ADAMTS18: variants seen among roughly 807,000 people sequenced by gnomAD.
ADAMTS18 encodes A disintegrin and metalloproteinase with thrombospondin motifs 18.
Under a neutral mutation model 165.9 loss-of-function variants are expected in ADAMTS18, and 157 were observed. That is an observed-to-expected ratio of 0.95 (90% CI 0.83 to 1.08). ADAMTS18 has a LOEUF of 1.08. Ranked by LOEUF, ADAMTS18 falls within the 50% of genes least tolerant of loss-of-function variation. The probability of loss-of-function intolerance (pLI) is 0.00; values close to 1 mark genes in which losing one functional copy is unlikely to be tolerated. For synonymous variants in ADAMTS18, 782 were observed against 578.2 expected, an observed-to-expected ratio of 1.35 and a Z score of -5.06; for missense variants, 2,040 against 1,534.0, an observed-to-expected ratio of 1.33 and a Z score of -5.51.
intron 3 of ADAMTS18, among the ~76,000 whole-genome samples, chr16:77,416,867 T>C (rs1018233300): frequency 8.5e-5 from 13 of 152,116 alleles, no homozygotes; most frequent in African/African-American, 2.7e-4. Flanking sequence ...GAGATGAGAA[T>C]GATTTAGAAC....
chr16:77,429,151 C>T (rs558229536), intron 3 of ADAMTS18, among the ~76,000 whole-genome samples: 34 of 152,260 alleles, frequency 2.2e-4, no homozygotes, highest in African/African-American at 7.9e-4. Context: ...TTTATTGCTG[C>T]ACTATTCACC....
rs2055365792 is a variant in ADAMTS18 at position 77,291,570 on chromosome 16, A to G, written c.3190-92T>C. Reference sequence around the variant, plus strand: ...TTTGACATAAGGTTGCACCATCCACATGAAATAGGAGGGATGGGATTACAC... The same window carrying G: ...TTTGACATAAGGTTGCACCATCCACGTGAAATAGGAGGGATGGGATTACAC... On this transcript the variant is annotated intron_variant, in intron 20 of 22. Transcript: ENST00000282849. 4 of 1,249,994 alleles carry G rather than the reference A, an allele frequency of 3.2e-6. No homozygotes were observed. In the Admixed American group the frequency reaches 6.7e-5, roughly 21 times the overall value. The allele number at this position is 1,249,994 out of a possible 1,614,324, so 77.4% of individuals were successfully genotyped here.
intron 11 of ADAMTS18, among the ~76,000 whole-genome samples, chr16:77,340,315 C>T (rs2056379341): frequency 6.6e-6 from 1 of 152,160 alleles, no homozygotes; most frequent in Non-Finnish European, 1.5e-5. Flanking sequence ...GCTGGGATTT[C>T]AGGTGTGTGC....
At chr16:77,419,444 C>T (rs1051962539) in intron 3 of ADAMTS18, among the ~76,000 whole-genome samples, 1 of 152,160 alleles carries the variant, frequency 6.6e-6, no homozygotes, top group Non-Finnish European at 1.5e-5. Context: ...CCTCTTCCAT[C>T]TCCAAAGTCC....
In ADAMTS18 at chr16:77,319,862, G is replaced by A. The variant is rs150566302; in HGVS notation, c.2519C>T (p.Thr840Met). The A allele has an allele frequency of 6.4e-5, 104 of 1,614,184 alleles. No homozygotes were observed. The East Asian group carries it at 1.0e-3, about 16-fold the overall frequency. Residue 840 changes from threonine (T) to methionine (M), a missense_variant, in exon 16 of 23, where the codon ACG becomes ATG. Thr to Met is a moderately conservative substitution (Grantham distance 81). Coordinates refer to ENST00000282849, the MANE Select transcript of ADAMTS18 (RefSeq NM_199355.4). ...RLYAPGPTNE[T>M]LVFEILMQGK... Reference sequence around the variant, plus strand: ...GAAGGGGCTTACTTCAAAGACCAGCGTCTCATTTGTGGGCCCTGGCGCGTA... The same window carrying A: ...GAAGGGGCTTACTTCAAAGACCAGCATCTCATTTGTGGGCCCTGGCGCGTA...
chr16:77,317,668 C>G (rs2055912037), intron 16 of ADAMTS18, among the ~76,000 whole-genome samples: 1 of 152,144 alleles, frequency 6.6e-6, no homozygotes, highest in East Asian at 1.9e-4. Flanking sequence ...AGGGAAATTT[C>G]AAGATGTCAT....
intron 3 of ADAMTS18, among the ~76,000 whole-genome samples, chr16:77,430,913 T>C (rs763989871): frequency 3.9e-5 from 6 of 152,200 alleles, no homozygotes; most frequent in Admixed American, 6.5e-5. Flanking sequence ...CAATTTCGCA[T>C]TGAAATACAG....
At chr16:77,327,400 T>C (rs1015771426) in intron 12 of ADAMTS18, among the ~76,000 whole-genome samples, 3 of 152,156 alleles carry the variant, frequency 2.0e-5, no homozygotes, top group African/African-American at 7.2e-5. Context: ...CCTCATACCT[T>C]AGCTCCCACA....
intron 3 of ADAMTS18, among the ~76,000 whole-genome samples, chr16:77,416,140 G>T (rs148698003): frequency 6.6e-6 from 1 of 152,230 alleles, no homozygotes; most frequent in East Asian, 1.9e-4. Context: ...GACCATTCTG[G>T]AATGACAGTA....
intron 3 of ADAMTS18, among the ~76,000 whole-genome samples, chr16:77,398,215 C>A (rs200246788): frequency 1.3e-5 from 2 of 151,814 alleles, no homozygotes; most frequent in East Asian, 1.9e-4. Flanking sequence ...TGCTTGGGAG[C>A]CTGAGGCAGA....
At chr16:77,388,171 C>T (rs191239575) in intron 3 of ADAMTS18, among the ~76,000 whole-genome samples, 6 of 152,212 alleles carry the variant, frequency 3.9e-5, no homozygotes, top group Non-Finnish European at 8.8e-5. Context: ...ACCATCTCAG[C>T]TCACTGCAAC....
At chr16:77,426,630 G>A (rs960865179) in intron 3 of ADAMTS18, among the ~76,000 whole-genome samples, 1 of 152,196 alleles carries the variant, frequency 6.6e-6, no homozygotes. Context: ...TAGATTGTAA[G>A]CTCTACGACC....
chr16:77,289,501 A>G, intron 21 of ADAMTS18, 90 bp from the exon 22 acceptor site: 3 of 1,457,744 alleles, frequency 2.1e-6, no homozygotes, highest in Non-Finnish European at 2.9e-6. Context: ...CATGACATTA[A>G]CAAGATGCCT....
intron 10 of ADAMTS18, among the ~76,000 whole-genome samples, chr16:77,345,794 G>A (rs1191289493): frequency 6.6e-6 from 1 of 152,104 alleles, no homozygotes; most frequent in Non-Finnish European, 1.5e-5. Flanking sequence ...CTGCTGGATG[G>A]CACTCAGTTA....
At chr16:77,303,447 G>A (rs2055623547) in intron 16 of ADAMTS18, among the ~76,000 whole-genome samples, 1 of 152,132 alleles carries the variant, frequency 6.6e-6, no homozygotes, top group South Asian at 2.1e-4. Context: ...AGTTGTTTAG[G>A]CCAAAATAAA....
At chr16:77,419,355 C>T (rs1396294417) in intron 3 of ADAMTS18, among the ~76,000 whole-genome samples, 2 of 152,110 alleles carry the variant, frequency 1.3e-5, no homozygotes, top group South Asian at 4.2e-4. Context: ...AGCCCCCTTT[C>T]CCTGCTGTCA....
intron 10 of ADAMTS18, among the ~76,000 whole-genome samples, chr16:77,345,766 G>C (rs1030257155): frequency 6.6e-6 from 1 of 152,186 alleles, no homozygotes; most frequent in Non-Finnish European, 1.5e-5. Context: ...GAGAACATTT[G>C]CATCATTATG....
chr16:77,362,527 T>G (rs1448215636), intron 6 of ADAMTS18, among the ~76,000 whole-genome samples: 1 of 152,222 alleles, frequency 6.6e-6, no homozygotes, highest in Non-Finnish European at 1.5e-5. Context: ...AACACCTTTG[T>G]TCATCTTACC....
chr16:77,418,201 T>C (rs989903025), intron 3 of ADAMTS18, among the ~76,000 whole-genome samples: 1 of 152,118 alleles, frequency 6.6e-6, no homozygotes. Context: ...CACACACCAT[T>C]CATACATAGT....
Sources: gnomAD v4.1 joint callset for allele counts (sites outside exome capture counted in the v4.1 genomes callset) on GRCh38, gnomAD v4.1.1 for gene constraint, MANE v1.5 for transcripts, NCBI Gene and HGNC (gene_info 2026-07-23, HGNC 2026-07-21) for gene names.